The following STAT5A variants were observed in gnomAD, a reference collection of about 807,000 sequenced individuals.
STAT5A encodes epididymis secretory sperm binding protein.
STAT5A carries 26 observed loss-of-function variants against 100.2 expected under a neutral mutation model. That is an observed-to-expected ratio of 0.26 (90% CI 0.19 to 0.36). The LOEUF (loss-of-function observed/expected upper bound fraction) is 0.36. Ranked by LOEUF, STAT5A falls within the 10% of genes least tolerant of loss-of-function variation. The probability of loss-of-function intolerance (pLI) is 1.00; values close to 1 mark genes in which losing one functional copy is unlikely to be tolerated. For synonymous variants in STAT5A, 330 were observed against 424.3 expected (o/e 0.78, Z 2.73); for missense variants, 634 against 1,027.5 (o/e 0.62, Z 5.24).
chr17:42,310,828 C>T lies in STAT5A; in HGVS notation c.*159C>T. On this transcript the variant is annotated 3_prime_UTR_variant, in exon 19 of 19. Coordinates refer to ENST00000590949, the MANE Select transcript of STAT5A (RefSeq NM_001288718.2). ...CTTGTGCATGAGCTACGCCTGCCTC[C>T]CCTGTGCAGTCCTGGGATGTGGCTG... is the stretch of plus-strand genomic sequence containing the variant. 1 of 1,285,148 alleles carries T rather than the reference C, an allele frequency of 7.8e-7. No homozygotes were observed. Among genetic ancestry groups the T allele is most frequent in the Non-Finnish European group, 1.1e-6 (1 of 941,452 alleles). The allele number at this position is 1,285,148 out of a possible 1,614,324, so 79.6% of individuals were successfully genotyped here. A position where few individuals can be genotyped will look rare whatever the true frequency, so the allele number is the denominator to read the frequency against.
chr17:42,290,711 C>T (rs2080861688), intron 3 of STAT5A, among the ~76,000 whole-genome samples: 1 of 152,188 alleles, frequency 6.6e-6, no homozygotes, highest in African/African-American at 2.4e-5. Context: ...TTGACCTTGG[C>T]ATCAGATGCC....
chr17:42,303,838 G>T (rs1291688415), intron 9 of STAT5A, among the ~76,000 whole-genome samples: 1 of 152,184 alleles, frequency 6.6e-6, no homozygotes, highest in Non-Finnish European at 1.5e-5. Context: ...GGAGCTATCT[G>T]GGCTGAGACC....
chr17:42,304,256 A>G lies in STAT5A; in HGVS notation c.1170-86A>G. ...AGGGGCTGCTGGCAGGGCTGACCTG[A>G]GCGAAGACCCCAGCCCGAGGTGTGG... is the stretch of plus-strand genomic sequence containing the variant. On this transcript the variant is annotated intron_variant, in intron 9 of 18. Coordinates refer to ENST00000590949, the MANE Select transcript of STAT5A (RefSeq NM_001288718.2). The surrounding 1 kb of genome is among the most constrained non-coding windows in gnomAD (Gnocchi z 4.8). 4 of 1,329,860 alleles carry G rather than the reference A, an allele frequency of 3.0e-6. No homozygotes were observed. In the South Asian group the frequency reaches 4.8e-5, roughly 16 times the overall value. The allele number at this position is 1,329,860 out of a possible 1,614,324, so 82.4% of individuals were successfully genotyped here. A position where few individuals can be genotyped will look rare whatever the true frequency, so the allele number is the denominator to read the frequency against.
chr17:42,299,343 G>C (rs191022377), intron 5 of STAT5A, among the ~76,000 whole-genome samples: 14 of 152,344 alleles, frequency 9.2e-5, no homozygotes, highest in African/African-American at 3.4e-4. Flanking sequence ...ACGTGGGGAA[G>C]CTGAGGCACA....
chr17:42,298,886 C>T (rs1354053883), intron 5 of STAT5A, among the ~76,000 whole-genome samples: 1 of 152,178 alleles, frequency 6.6e-6, no homozygotes, highest in African/African-American at 2.4e-5. Context: ...AGCCGCCTCC[C>T]TTCGGCCTCC....
In STAT5A at chr17:42,308,846, A is replaced by T. The variant is rs1286678426; in HGVS notation, c.2063-201A>T. On this transcript the variant is annotated intron_variant, in intron 16 of 18. Coordinates refer to ENST00000590949, the MANE Select transcript of STAT5A (RefSeq NM_001288718.2). The surrounding 1 kb of genome is among the most constrained non-coding windows in gnomAD (Gnocchi z 4.6). ...GATGGCCAGAAAAAGAACCAGAAGG[A>T]ATGGGATTCAAGCCAGGGGTCTCAG... The T allele has an allele frequency of 9.4e-6, 6 of 635,768 alleles. No individual in the cohort carries two copies. Among genetic ancestry groups the T allele is most frequent in the Non-Finnish European group, 1.7e-5 (6 of 360,782 alleles). The allele number at this position is 635,768 out of a possible 1,614,324, so 39.4% of individuals were successfully genotyped here.
rs552287547 is a variant in STAT5A at position 42,302,292 on chromosome 17, G to A, written c.1169+838G>A. 4.6e-5 allele frequency among the ~76,000 whole-genome samples: 7 copies of A among 152,384 alleles called. No individual in the cohort carries two copies. The South Asian group carries it at 1.4e-3, about 32-fold the overall frequency. On this transcript the variant is annotated intron_variant, in intron 9 of 18. Coordinates refer to ENST00000590949, the MANE Select transcript of STAT5A (RefSeq NM_001288718.2). Reference sequence around the variant, plus strand: ...GCCCAGCCCCTTGAGCAGCAGAGCAGGCAGCAGATGCTGGGAAATGCCTGA... The same window carrying A: ...GCCCAGCCCCTTGAGCAGCAGAGCAAGCAGCAGATGCTGGGAAATGCCTGA...
chr17:42,310,640 T>G lies in STAT5A; in HGVS notation c.2356T>G (p.Phe786Val), dbSNP rs2081071644. 1.2e-6 allele frequency: 2 copies of G among 1,614,084 alleles called. No homozygotes were observed. Among genetic ancestry groups the G allele is most frequent in the South Asian group, 2.2e-5 (2 of 91,090 alleles). Residue 786 changes from phenylalanine (F) to valine (V), a missense_variant, in exon 19 of 19, where the codon TTC becomes GTC. By Grantham distance (50) the Phe-to-Val change is conservative. This residue lies in a region of STAT5A where 88 missense variants were observed against 95.1 expected (regional missense o/e 0.92). Transcript: ENST00000590949. ...CCGCCTCTCGCCCCCTGCCGGTCTT[T>G]TCACCTCTGCCAGAGGCTCCCTCTC... ...DSRLSPPAGL[F>V]TSARGSLS
At chr17:42,295,964 C>T (rs1323821775) in intron 5 of STAT5A, among the ~76,000 whole-genome samples, 171 bp downstream of exon 5, 2 of 152,120 alleles carry the variant, frequency 1.3e-5, no homozygotes, top group South Asian at 2.1e-4. Flanking sequence ...ACACTTGGCA[C>T]ACATTATTTA....
chr17:42,294,078 T>A (rs560870716), intron 4 of STAT5A, among the ~76,000 whole-genome samples: 3 of 151,948 alleles, frequency 2.0e-5, no homozygotes, highest in African/African-American at 7.3e-5. Context: ...TAGCTAGGCG[T>A]GGTGGCGGGC....
chr17:42,301,485 G>C, intron 9 of STAT5A, 31 bp downstream of exon 9: 1 of 1,613,066 alleles, frequency 6.2e-7, no homozygotes, highest in Non-Finnish European at 8.5e-7. Context: ...CCCTGCCCAA[G>C]CTTAGGTGTG....
In STAT5A at chr17:42,301,298, C is replaced by T; in HGVS notation, c.1013C>T (p.Pro338Leu). 1 of 1,614,086 alleles carries T rather than the reference C, an allele frequency of 6.2e-7. No individual in the cohort carries two copies. Among genetic ancestry groups the T allele is most frequent in the Non-Finnish European group, 8.5e-7 (1 of 1,180,000 alleles). The change falls in exon 9 of 19, where the codon CCT becomes CTT. Residue 338 changes from proline (P) to leucine (L), a missense_variant. This residue lies in a region of STAT5A where 98 missense variants were observed against 149.7 expected (regional missense o/e 0.65). Transcript: ENST00000590949. ...AGCACATTCATCATTGAGAAGCAGC[C>T]TCCTCAGGTCCTGAAGACCCAGACC... ...VTSTFIIEKQPPQVLKTQTKF... is the reference protein window; with the variant it reads ...VTSTFIIEKQLPQVLKTQTKF...
intron 18 of STAT5A, 124 bp from the exon 19 acceptor site, chr17:42,310,383 C>A: frequency 1.9e-6 from 2 of 1,077,342 alleles, no homozygotes; most frequent in Non-Finnish European, 2.7e-6. Context: ...TGGGGGCATC[C>A]AGCCAGAACT....
At position 42,308,445 on chromosome 17, in the gene STAT5A, A is replaced by G; in HGVS notation, c.2062+112A>G. The stretch of plus-strand genomic sequence containing the variant: ...CTTCCCCAGGAGGAGCCTAGGGGCC[A>G]TGTCCCCTGTGGGTTTTGGCCCATG... On this transcript the variant is annotated intron_variant, in intron 16 of 18. Transcript: ENST00000590949. This position sits in a 1 kb window ranked among gnomAD's most constrained non-coding sequence, Gnocchi z 4.6. 6.7e-7 allele frequency: 1 copy of G among 1,492,886 alleles called. No homozygotes were observed. The highest frequency in any genetic ancestry group is 9.1e-7 in the Non-Finnish European group (1 of 1,094,588). 92.5% of individuals were successfully genotyped at this position (1,492,886 alleles called of 1,614,324 possible).
At chr17:42,309,317 C>G (rs989148074) in intron 17 of STAT5A, 60 bp from the exon 18 acceptor site, 1 of 1,594,784 alleles carries the variant, frequency 6.3e-7, no homozygotes, top group African/African-American at 1.3e-5. Context: ...TCGGTCCCCT[C>G]CCCAAGTCAG....
At position 42,308,116 on chromosome 17, in the gene STAT5A, C is replaced by T; in HGVS notation, c.1907-62C>T. 1 of 1,590,660 alleles carries T rather than the reference C, an allele frequency of 6.3e-7. No homozygotes were observed. Among genetic ancestry groups the T allele is most frequent in the African/African-American group, 1.3e-5 (1 of 74,646 alleles). ...TTTCTCTTGCAAGCCTGCCCTAAAG[C>T]CCCACAACCTTGGTCCTCCTGCTGC... On this transcript the variant is annotated intron_variant, in intron 15 of 18. Transcript: ENST00000590949. This position sits in a 1 kb window ranked among gnomAD's most constrained non-coding sequence, Gnocchi z 4.6.
At position 42,294,548 on chromosome 17, in the gene STAT5A, T is replaced by G. The variant is rs141322166; in HGVS notation, c.376-1071T>G. 6.3e-3 allele frequency among the ~76,000 whole-genome samples: 953 copies of G among 152,278 alleles called. 16 individuals carry two copies. Among genetic ancestry groups the G allele is most frequent in the African/African-American group, 0.02 (822 of 41,560 alleles). On this transcript the variant is annotated intron_variant, in intron 4 of 18. Coordinates refer to ENST00000590949, the MANE Select transcript of STAT5A (RefSeq NM_001288718.2). ...GTAAGCAAATACAAGAACAACACAC[T>G]TTTAGATAGGACTACTGTGAATTGG... is the stretch of plus-strand genomic sequence containing the variant.
Position 42,304,316 on chromosome 17 carries a change from A to G in STAT5A, c.1170-26A>G. ...TGCTCCTGGCCTGGGGCCCATGTGG[A>G]GCTGGGACCCCCCTCTCCTTTGCAG... On this transcript the variant is annotated intron_variant, in intron 9 of 18. Transcript: ENST00000590949. This position sits in a 1 kb window ranked among gnomAD's most constrained non-coding sequence, Gnocchi z 4.8. 3 of 1,612,172 alleles carry G rather than the reference A, an allele frequency of 1.9e-6. No homozygotes were observed. The East Asian group carries it at 6.7e-5, about 36-fold the overall frequency.
At chr17:42,294,683 G>C (rs2080901659) in intron 4 of STAT5A, among the ~76,000 whole-genome samples, 1 of 152,228 alleles carries the variant, frequency 6.6e-6, no homozygotes, top group Non-Finnish European at 1.5e-5. Context: ...AAGGGCCCCA[G>C]GGCAGGAACA....
Sources: gnomAD v4.1 joint callset for allele counts (sites outside exome capture counted in the v4.1 genomes callset) on GRCh38, gnomAD v4.1.1 for gene constraint, gnomAD v4.1.1 regional missense constraint, Gnocchi (gnomAD v3.1) non-coding constraint, MANE v1.5 for transcripts, NCBI Gene and HGNC (gene_info 2026-07-23, HGNC 2026-07-21) for gene names.